PRSS57: variants seen among roughly 807,000 people sequenced by gnomAD.
PRSS57 encodes neutrophil serine protease 4.
In PRSS57, 19 loss-of-function variants were observed where a neutral mutation model predicts 20.6. That is an observed-to-expected ratio of 0.92 (90% confidence interval 0.64 to 1.35). PRSS57 has a LOEUF of 1.35. Ranked by LOEUF, PRSS57 falls within the 40% of genes most tolerant of loss-of-function variation. The pLI, the probability that PRSS57 is intolerant of heterozygous loss-of-function variation, is 0.00. For missense variants in PRSS57, 440 were observed against 403.7 expected (o/e 1.09, Z -0.77); for synonymous variants, 203 against 176.6 (o/e 1.15, Z -1.19).
chr19:691,806 G>A (rs1024644675), intron 3 of PRSS57, 52 bp downstream of exon 3: 74 of 1,303,840 alleles, frequency 5.7e-5, no homozygotes, highest in Non-Finnish European at 7.1e-5. Flanking sequence ...GCGACAGAGC[G>A]AGAGACTGTC....
intron 2 of PRSS57, among the ~76,000 whole-genome samples, chr19:692,730 TA>T (rs1048726330): frequency 3.1e-4 from 47 of 151,814 alleles, no homozygotes; most frequent in African/African-American, 1.1e-3. Flanking sequence ...AACTTAATAT[TA>T]TGATAATAAA....
intron 3 of PRSS57, among the ~76,000 whole-genome samples, chr19:690,099 T>C (rs371254964): frequency 1.4e-5 from 2 of 146,942 alleles, no homozygotes; most frequent in African/African-American, 5.1e-5. Context: ...GATCACGAGG[T>C]CAAGAGATCG....
intron 2 of PRSS57, among the ~76,000 whole-genome samples, chr19:692,995 T>G (rs1298214086): frequency 6.6e-6 from 1 of 151,550 alleles, no homozygotes; most frequent in Non-Finnish European, 1.5e-5. Flanking sequence ...TGGTGCAATC[T>G]TGGCTCTCTG....
intron 2 of PRSS57, among the ~76,000 whole-genome samples, chr19:692,312 T>C (rs1408474606): frequency 6.6e-6 from 1 of 151,378 alleles, no homozygotes; most frequent in Non-Finnish European, 1.5e-5. Flanking sequence ...GAGGTTGCAG[T>C]GAGCTGAGAT....
At chr19:688,772 T>A (rs1568207475) in intron 3 of PRSS57, among the ~76,000 whole-genome samples, 1 of 151,958 alleles carries the variant, frequency 6.6e-6, no homozygotes, top group African/African-American at 2.4e-5. Flanking sequence ...CTAATTTTTT[T>A]ATTTTTAGTA....
At position 685,819 on chromosome 19, in the gene PRSS57, T is replaced by A. The variant is rs1304755590; in HGVS notation, c.746A>T (p.Gln249Leu). ...GDPKTPDVYTQVSAFVAWIWD... is the reference protein window; with the variant it reads ...GDPKTPDVYTLVSAFVAWIWD... ...GATCCAGGCCACAAAGGCGGACACC[T>A]GCGTGTACACGTCGGGGGTCTTGGG... is the stretch of plus-strand genomic sequence containing the variant. The change falls in exon 5 of 5, where the codon CAG (glutamine) becomes CTG (leucine). Residue 249 changes from glutamine (Q) to leucine (L), a missense_variant. By Grantham distance (113) the Gln-to-Leu change is moderately radical (BLOSUM62 -2). Transcript: ENST00000329267. 1 of 1,565,256 alleles carries A rather than the reference T, an allele frequency of 6.4e-7. No homozygotes were observed. The highest frequency in any genetic ancestry group is 8.7e-7 in the Non-Finnish European group (1 of 1,155,146).
At chr19:686,560 C>T (rs181699028) in intron 4 of PRSS57, among the ~76,000 whole-genome samples, 42 of 152,218 alleles carry the variant, frequency 2.8e-4, no homozygotes, top group African/African-American at 8.9e-4. Context: ...TGAACCAAGT[C>T]GCTCTCTTGC....
intron 3 of PRSS57, chr19:690,639 C>T (rs10412005): frequency 0.49 from 115,576 of 233,962 alleles, 30,625 homozygotes; most frequent in Middle Eastern, 0.64. Context: ...GAGATTATGC[C>T]GGTGCAGAAG....
chr19:690,921 C>T, intron 3 of PRSS57: 1 of 454,552 alleles, frequency 2.2e-6, no homozygotes, highest in South Asian at 1.9e-5. Flanking sequence ...CTGGCATCGT[C>T]TGGGCGCCTG....
chr19:693,440 G>A (rs1296829814), intron 2 of PRSS57, among the ~76,000 whole-genome samples: 1 of 151,910 alleles, frequency 6.6e-6, no homozygotes, highest in Non-Finnish European at 1.5e-5. Context: ...ACGGCTGCCC[G>A]TCTGGGCCTC....
chr19:685,703 G>C lies in PRSS57; in HGVS notation c.*13C>G. 1 of 1,519,422 alleles carries C rather than the reference G, an allele frequency of 6.6e-7. No homozygotes were observed. Among genetic ancestry groups the C allele is most frequent in the Non-Finnish European group, 8.9e-7 (1 of 1,124,604 alleles). 94.1% of individuals were successfully genotyped at this position (1,519,422 alleles called of 1,614,324 possible). A position where few individuals can be genotyped will look rare whatever the true frequency, so the allele number is the denominator to read the frequency against. On this transcript the variant is annotated 3_prime_UTR_variant, in exon 5 of 5. Coordinates refer to ENST00000329267, the MANE Select transcript of PRSS57 (RefSeq NM_001308209.2). ...GGAGCGGCCATCTCATTTGCATGCCGCAAGGTTGTGGCTCAGGCGGCTTCT... is the reference window on the plus strand; with the variant it reads ...GGAGCGGCCATCTCATTTGCATGCCCCAAGGTTGTGGCTCAGGCGGCTTCT...
rs1023871511 is a variant in PRSS57, at chr19:685,997, C to T, written c.643-75G>A. Reference sequence around the variant, plus strand: ...CACATCTCACCACGGCCCTCCCTGCCTCAGAACCCTCTGTGGCTCCCTACT... The same window carrying T: ...CACATCTCACCACGGCCCTCCCTGCTTCAGAACCCTCTGTGGCTCCCTACT... On this transcript the variant is annotated intron_variant, in intron 4 of 4. Transcript: ENST00000329267. 7.0e-6 allele frequency: 9 copies of T among 1,293,216 alleles called. No homozygotes were observed. The African/African-American group carries it at 1.3e-4, about 19-fold the overall frequency. The allele number at this position is 1,293,216 out of a possible 1,614,324, so 80.1% of individuals were successfully genotyped here.
chr19:691,839 A>G lies in PRSS57; in HGVS notation c.378+19T>C. Reference sequence around the variant, plus strand: ...GTCTCAAAAACTAAACATACGTCAGATCCACCCCCGGGGCTCACCCGCAGC... The same window carrying G: ...GTCTCAAAAACTAAACATACGTCAGGTCCACCCCCGGGGCTCACCCGCAGC... On this transcript the variant is annotated intron_variant, in intron 3 of 4. Coordinates refer to ENST00000329267, the MANE Select transcript of PRSS57 (RefSeq NM_001308209.2). 1 of 1,324,800 alleles carries G rather than the reference A, an allele frequency of 7.5e-7. No individual in the cohort carries two copies. The highest frequency in any genetic ancestry group is 2.8e-5 in the South Asian group (1 of 36,094). 82.1% of individuals were successfully genotyped at this position (1,324,800 alleles called of 1,614,324 possible).
chr19:688,167 G>T lies in PRSS57; in HGVS notation c.379-979C>A, dbSNP rs569057963. ...AGGACGGCTCCAATCCCTGTCTCTGGTTCTCTGATTTGTGCGTCTTGGGTT... is the reference window on the plus strand; with the variant it reads ...AGGACGGCTCCAATCCCTGTCTCTGTTTCTCTGATTTGTGCGTCTTGGGTT... On this transcript the variant is annotated intron_variant, in intron 3 of 4. Transcript: ENST00000329267. Among the ~76,000 whole-genome samples, 43 of 152,314 alleles carry T rather than the reference G, an allele frequency of 2.8e-4. 1 individual carries two copies. Among genetic ancestry groups the T allele is most frequent in the Admixed American group, 2.4e-3 (37 of 15,292 alleles).
rs200740826 is a variant in PRSS57 at position 692,427 on chromosome 19, C to CTTTTTTT, written c.234-432_234-426dup. ...CAACTTAATATTCTTTTCCTTTTTT[C>CTTTTTTT]TTTTTTTTTTTTTTTGAGACAGAGT... On this transcript the variant is annotated intron_variant, in intron 2 of 4. Coordinates refer to ENST00000329267, the MANE Select transcript of PRSS57 (RefSeq NM_001308209.2). Among the ~76,000 whole-genome samples, 5 of 98,848 alleles carry CTTTTTTT rather than the reference C, an allele frequency of 5.1e-5. 1 individual carries two copies. Among genetic ancestry groups the CTTTTTTT allele is most frequent in the South Asian group, 3.4e-4 (1 of 2,962 alleles). 64.8% of individuals were successfully genotyped at this position (98,848 alleles called of 152,430 possible). A position where few individuals can be genotyped will look rare whatever the true frequency, so the allele number is the denominator to read the frequency against.
chr19:694,534 C>T (rs117983454), intron 2 of PRSS57, among the ~76,000 whole-genome samples: 1,659 of 147,576 alleles, frequency 0.011, 12 homozygotes, highest in Non-Finnish European at 0.018. Flanking sequence ...CACCGTTGCA[C>T]TCCAGCCTGG....
At chr19:686,247 C>G (rs1285850754) in intron 4 of PRSS57, among the ~76,000 whole-genome samples, 2 of 152,110 alleles carry the variant, frequency 1.3e-5, no homozygotes, top group Non-Finnish European at 2.9e-5. Context: ...CAGCCCTCTA[C>G]TAACAGGTCT....
chr19:690,728 G>T (rs2031621688), intron 3 of PRSS57: 1 of 351,156 alleles, frequency 2.8e-6, no homozygotes, highest in Admixed American at 3.7e-5. Context: ...CGGTCTGGGT[G>T]TTGAGTGCTC....
At chr19:688,216 C>G (rs1054270638) in intron 3 of PRSS57, among the ~76,000 whole-genome samples, 1 of 152,186 alleles carries the variant, frequency 6.6e-6, no homozygotes, top group Admixed American at 6.5e-5. Context: ...CTTGATGTCT[C>G]GCTCAGCCTC....
Sources: gnomAD v4.1 joint callset for allele counts (sites outside exome capture counted in the v4.1 genomes callset) on GRCh38, gnomAD v4.1.1 for gene constraint, MANE v1.5 for transcripts, NCBI Gene and HGNC (gene_info 2026-07-23, HGNC 2026-07-21) for gene names.